The following CEACAM6 variants were observed in gnomAD, a reference collection of about 807,000 sequenced individuals.
The protein encoded by CEACAM6 is CEA cell adhesion molecule 6, also known as cell adhesion molecule CEACAM6.
A neutral mutation model predicts 32.4 loss-of-function variants in CEACAM6; 21 were observed. The ratio of observed to expected loss-of-function variants is 0.65; its 90% CI spans 0.46 to 0.93. The LOEUF (loss-of-function observed/expected upper bound fraction) is 0.93, where lower values mean the gene tolerates loss of function less well. Among genes scored for constraint, CEACAM6 ranks in the 40% least tolerant of loss-of-function variants. The pLI is 0.00. For synonymous variants in CEACAM6, 184 were observed against 174.4 expected, an observed-to-expected ratio of 1.06 and a Z score of -0.43; for missense variants, 406 against 432.2, an observed-to-expected ratio of 0.94 and a Z score of 0.54.
intron 5 of CEACAM6, among the ~76,000 whole-genome samples, chr19:41,768,307 G>A (rs1035200344): frequency 1.3e-5 from 2 of 152,134 alleles, no homozygotes; most frequent in Non-Finnish European, 1.5e-5. Context: ...GACTCTTAAC[G>A]AGCATGCTGC....
chr19:41,756,495 C>A lies in CEACAM6; in HGVS notation c.65-105C>A. Reference sequence around the variant, plus strand: ...ACACACACACACACACACACACACGCTCCAACGTGGAGGGGTGAAGAGACC... The same window carrying A: ...ACACACACACACACACACACACACGATCCAACGTGGAGGGGTGAAGAGACC... On this transcript the variant is annotated intron_variant, in intron 1 of 5. Coordinates refer to ENST00000199764, the MANE Select transcript of CEACAM6 (RefSeq NM_002483.7). 5 of 1,498,374 alleles carry A rather than the reference C, an allele frequency of 3.3e-6. No homozygotes were observed. The South Asian group carries it at 6.6e-5, about 20-fold the overall frequency. The allele number at this position is 1,498,374 out of a possible 1,614,324, so 92.8% of individuals were successfully genotyped here. A position where few individuals can be genotyped will look rare whatever the true frequency, so the allele number is the denominator to read the frequency against.
intron 4 of CEACAM6, among the ~76,000 whole-genome samples, chr19:41,764,168 AT>A (rs1296058491): frequency 6.6e-6 from 1 of 152,100 alleles, no homozygotes; most frequent in East Asian, 1.9e-4. Context: ...GTCTATTCAG[AT>A]TTTTTTGTGT....
In CEACAM6 at chr19:41,762,047, C is replaced by A. The variant is rs2122920956; in HGVS notation, c.782C>A (p.Ala261Glu). 1 of 1,614,214 alleles carries A rather than the reference C, an allele frequency of 6.2e-7. No homozygotes were observed. Among genetic ancestry groups the A allele is most frequent in the South Asian group, 1.1e-5 (1 of 91,084 alleles). Residue 261 changes from alanine to glutamate, a missense_variant, in exon 4 of 6, where the codon GCA becomes GAA. Ala to Glu is a moderately radical substitution (Grantham distance 107). Transcript: ENST00000199764. ...GAAAATCTGAACCTCTCCTGCCACG[C>A]AGCCTCTAACCCACCTGCACAGTAC... The part of the protein sequence containing the change: ...PGENLNLSCH[A>E]ASNPPAQYSW...
chr19:41,757,071 AG>A (rs1397859758), intron 2 of CEACAM6, 112 bp downstream of exon 2: 1 of 1,508,666 alleles, frequency 6.6e-7, no homozygotes, highest in South Asian at 1.3e-5. Flanking sequence ...ATCCTGTATC[AG>A]GGTTTGGACA....
At chr19:41,765,072 ATATTAGC>A (rs1318339341) in intron 4 of CEACAM6, among the ~76,000 whole-genome samples, 3 of 152,254 alleles carry the variant, frequency 2.0e-5, no homozygotes, top group Non-Finnish European at 2.9e-5. Context: ...AGCTTCACAA[ATATTAGC>A]TATTATTATT....
chr19:41,761,219 A>C, intron 2 of CEACAM6, 30 bp from the exon 3 acceptor site: 1 of 1,614,086 alleles, frequency 6.2e-7, no homozygotes, highest in South Asian at 1.1e-5. Context: ...GGTGCCACAC[A>C]GGGCAATCTT....
Position 41,761,993 on chromosome 19 carries a change from C to T in CEACAM6, c.728C>T (p.Ser243Phe). Residue 243 changes from serine to phenylalanine, a missense_variant, in exon 4 of 6, where the codon TCC becomes TTC. Physicochemically the swap from Ser to Phe is radical, Grantham distance 155. Coordinates refer to ENST00000199764, the MANE Select transcript of CEACAM6 (RefSeq NM_002483.7). ...GATGGCCCAGATGTCCCCACCATTT[C>T]CCCCTCAAAGGCCAATTACCGTCCA... Reference protein sequence around the residue: ...VLYGPDVPTISPSKANYRPGE... With the variant: ...VLYGPDVPTIFPSKANYRPGE... 1 of 1,614,046 alleles carries T rather than the reference C, an allele frequency of 6.2e-7. No individual in the cohort carries two copies. Among genetic ancestry groups the T allele is most frequent in the Non-Finnish European group, 8.5e-7 (1 of 1,179,934 alleles).
intron 5 of CEACAM6, among the ~76,000 whole-genome samples, chr19:41,768,852 C>T (rs1212917698): frequency 2.6e-5 from 4 of 152,246 alleles, no homozygotes; most frequent in Non-Finnish European, 4.4e-5. Flanking sequence ...TCATAATGAA[C>T]TCTCATCAGA....
intron 5 of CEACAM6, among the ~76,000 whole-genome samples, chr19:41,769,012 T>C (rs1412859923): frequency 6.6e-6 from 1 of 152,100 alleles, no homozygotes; most frequent in Non-Finnish European, 1.5e-5. Context: ...ATGGCGTGAT[T>C]TCGGCTCACC....
intron 5 of CEACAM6, among the ~76,000 whole-genome samples, chr19:41,767,626 C>A (rs1488685507): frequency 6.6e-6 from 1 of 152,138 alleles, no homozygotes; most frequent in East Asian, 1.9e-4. Flanking sequence ...GAGTGGGACC[C>A]AGGCATTGGT....
intron 2 of CEACAM6, among the ~76,000 whole-genome samples, chr19:41,758,541 G>C (rs1555821468): frequency 6.6e-6 from 1 of 152,004 alleles, no homozygotes; most frequent in African/African-American, 2.4e-5. Context: ...GGGGTTCCTT[G>C]GTCATTAGAG....
In CEACAM6 at chr19:41,756,979, C is replaced by A; in HGVS notation, c.424+20C>A. ...TATACCGTGAGTATTTCCACATGAC[C>A]TCTGGGTGTTGGGGGTCAGTTCTAC... is the stretch of plus-strand genomic sequence containing the variant. On this transcript the variant is annotated intron_variant, in intron 2 of 5. Transcript: ENST00000199764. 6.3e-7 allele frequency: 1 copy of A among 1,579,620 alleles called. No individual in the cohort carries two copies. Among genetic ancestry groups the A allele is most frequent in the Non-Finnish European group, 8.6e-7 (1 of 1,161,500 alleles).
At chr19:41,768,354 G>A (rs552900921) in intron 5 of CEACAM6, among the ~76,000 whole-genome samples, 37 of 152,270 alleles carry the variant, frequency 2.4e-4, no homozygotes, top group African/African-American at 8.2e-4. Context: ...ATCTTGTACC[G>A]CCCTTAATCC....
At chr19:41,758,856 G>A (rs566768847) in intron 2 of CEACAM6, among the ~76,000 whole-genome samples, 14 of 152,284 alleles carry the variant, frequency 9.2e-5, no homozygotes, top group African/African-American at 2.9e-4. Context: ...GAAATCAGCC[G>A]GAGCAGCCGC....
rs1039232287 is a variant in CEACAM6 at position 41,770,604 on chromosome 19, G to A, written c.*41-198G>A. ...GACTATGTGGTCACCTGCTACTCTT[G>A]TTGCACTTATATAAAGAATGAGGCC... On this transcript the variant is annotated intron_variant, in intron 5 of 5. Transcript: ENST00000199764. Among the ~76,000 whole-genome samples the A allele has an allele frequency of 1.3e-4, 19 of 151,988 alleles. 1 individual carries two copies. Among genetic ancestry groups the A allele is most frequent in the Non-Finnish European group, 5.9e-5 (4 of 68,002 alleles).
chr19:41,762,063 T>C lies in CEACAM6; in HGVS notation c.798T>C (p.Pro266=), dbSNP rs1555821972. Residue 266 remains proline (P), a synonymous_variant, in exon 4 of 6, where the codon CCT becomes CCC. Transcript: ENST00000199764. ...NLSCHAASNP[P]AQYSWFINGT... ...CCTGCCACGCAGCCTCTAACCCACC[T>C]GCACAGTACTCTTGGTTTATCAATG... 6.2e-7 allele frequency: 1 copy of C among 1,614,086 alleles called. No homozygotes were observed.
Position 41,766,280 on chromosome 19 carries a change from T to C in CEACAM6, c.*21T>C. The C allele has an allele frequency of 1.3e-6, 2 of 1,557,966 alleles. No homozygotes were observed. The highest frequency in any genetic ancestry group is 1.7e-6 in the Non-Finnish European group (2 of 1,148,258). On this transcript the variant is annotated 3_prime_UTR_variant, in exon 5 of 6. Transcript: ENST00000199764. Reference sequence around the variant, plus strand: ...TATAGCAGCCCTGGTGTATTTTCGATATTTCAGGAAGACTGGCAGGTATGA... The same window carrying C: ...TATAGCAGCCCTGGTGTATTTTCGACATTTCAGGAAGACTGGCAGGTATGA...
In CEACAM6 at chr19:41,772,058, T is replaced by C. The variant is rs1020021655; in HGVS notation, c.*1297T>C. 6.6e-6 allele frequency: 1 copy of C among 152,248 alleles called. No homozygotes were observed. Among genetic ancestry groups the C allele is most frequent in the African/African-American group, 2.4e-5 (1 of 41,466 alleles). 9.4% of individuals were successfully genotyped at this position (152,248 alleles called of 1,614,324 possible). ...TGAACTAATCTGATGTTAACCAATG[T>C]ATTTATTTCTGTGGTTCTGTTTCCT... On this transcript the variant is annotated 3_prime_UTR_variant, in exon 6 of 6. Coordinates refer to ENST00000199764, the MANE Select transcript of CEACAM6 (RefSeq NM_002483.7).
Position 41,755,645 on chromosome 19 carries a change from C to A in CEACAM6, c.7C>A (p.Pro3Thr). 3 of 1,609,440 alleles carry A rather than the reference C, an allele frequency of 1.9e-6. No homozygotes were observed. The highest frequency in any genetic ancestry group is 1.7e-6 in the Non-Finnish European group (2 of 1,177,946). The change falls in exon 1 of 6, where the codon CCC (proline) becomes ACC (threonine). Residue 3 changes from proline (P) to threonine (T), a missense_variant. Coordinates refer to ENST00000199764, the MANE Select transcript of CEACAM6 (RefSeq NM_002483.7). MG[P>T]PSAPPCRLHV... ...AGAGAAGACAGCAGAGACCATGGGACCCCCCTCAGCCCCTCCCTGCAGATT... is the reference window on the plus strand; with the variant it reads ...AGAGAAGACAGCAGAGACCATGGGAACCCCCTCAGCCCCTCCCTGCAGATT...
Sources: gnomAD v4.1 joint callset for allele counts (sites outside exome capture counted in the v4.1 genomes callset) on GRCh38, gnomAD v4.1.1 for gene constraint, MANE v1.5 for transcripts, NCBI Gene and HGNC (gene_info 2026-07-23, HGNC 2026-07-21) for gene names.